The following LONRF1 variants were observed in gnomAD, a reference collection of about 807,000 sequenced individuals.
LONRF1 encodes LON peptidase N-terminal domain and RING finger protein 1.
LONRF1 carries 37 observed loss-of-function variants against 85.8 expected under a neutral mutation model. The observed-to-expected ratio is 0.43, with a 90% confidence interval of 0.33 to 0.57. The LOEUF is 0.57. Ranked by LOEUF, LONRF1 falls within the 20% of genes least tolerant of loss-of-function variation. The probability of loss-of-function intolerance (pLI) is 0.04; values close to 1 mark genes in which losing one functional copy is unlikely to be tolerated. For missense variants in LONRF1, 1,036 were observed against 978.0 expected (o/e 1.06, Z -0.79); for synonymous variants, 517 against 390.1 (o/e 1.33, Z -3.83).
At position 12,754,894 on chromosome 8, in the gene LONRF1, G is replaced by T. The variant is rs772107247; in HGVS notation, c.527C>A (p.Ala176Asp). 16 of 1,493,570 alleles carry T rather than the reference G, an allele frequency of 1.1e-5. 1 individual carries two copies. The South Asian group carries it at 2.0e-4, about 19-fold the overall frequency. 92.5% of individuals were successfully genotyped at this position (1,493,570 alleles called of 1,614,324 possible). A position where few individuals can be genotyped will look rare whatever the true frequency, so the allele number is the denominator to read the frequency against. ...GGCGGCCAGAGGCGGCGGCCGCGGG[G>T]CGGTCCCTTCAGCATCAGTGGCACT... is the stretch of plus-strand genomic sequence containing the variant. Reference protein sequence around the residue: ...TASATDAEGTAPRPPPLAAAI... With the variant: ...TASATDAEGTDPRPPPLAAAI... Residue 176 changes from alanine (A) to aspartate (D), a missense_variant, in exon 1 of 12, where the codon GCC becomes GAC. Ala to Asp is a moderately radical substitution (Grantham distance 126). Coordinates refer to ENST00000398246, the MANE Select transcript of LONRF1 (RefSeq NM_152271.5).
chr8:12,731,697 G>C, intron 8 of LONRF1, 39 bp downstream of exon 8: 1 of 1,572,376 alleles, frequency 6.4e-7, no homozygotes, highest in African/African-American at 1.4e-5. Flanking sequence ...ACTATTAAAG[G>C]GTAGTAGTTC....
intron 2 of LONRF1, among the ~76,000 whole-genome samples, chr8:12,741,677 T>C (rs1022311200): frequency 6.6e-6 from 1 of 152,216 alleles, no homozygotes; most frequent in African/African-American, 2.4e-5. Flanking sequence ...TAAAGAAATA[T>C]TAAAATGTGA....
rs143590610 is a variant in LONRF1, at chr8:12,749,242, C to T, written c.721+5458G>A. On this transcript the variant is annotated intron_variant, in intron 1 of 11. Transcript: ENST00000398246. ...TATTTTCTACCTTGTCTTTTACCCA[C>T]ATAAATGGTAGCCTAGATAAGAAAC... 2.7e-3 allele frequency among the ~76,000 whole-genome samples: 409 copies of T among 152,222 alleles called. 1 individual carries two copies. Among genetic ancestry groups the T allele is most frequent in the African/African-American group, 9.5e-3 (396 of 41,538 alleles).
intron 7 of LONRF1, among the ~76,000 whole-genome samples, chr8:12,734,468 C>T (rs748716720): frequency 6.6e-5 from 10 of 152,152 alleles, no homozygotes; most frequent in South Asian, 2.1e-4. Context: ...CCCCAATCAA[C>T]GCTACAAACT....
intron 1 of LONRF1, among the ~76,000 whole-genome samples, chr8:12,750,359 C>T (rs908017594): frequency 7.2e-5 from 11 of 152,192 alleles, no homozygotes; most frequent in African/African-American, 2.4e-4. Flanking sequence ...AAGACTCCCA[C>T]GGATGCCTGC....
chr8:12,727,150 C>T (rs10095845), intron 10 of LONRF1: 117,966 of 143,558 alleles, frequency 0.82, 48,942 homozygotes, highest in East Asian at 0.99. Flanking sequence ...AGCATCTGCT[C>T]TGCACCCTCA....
At chr8:12,735,473 C>T (rs889342104) in intron 6 of LONRF1, 73 bp from the exon 7 acceptor site, 30 of 920,992 alleles carry the variant, frequency 3.3e-5, no homozygotes, top group Non-Finnish European at 3.8e-5. Flanking sequence ...ACTTTAGAAC[C>T]ATAACACTAA....
intron 11 of LONRF1, among the ~76,000 whole-genome samples, chr8:12,724,342 G>C (rs1361262323): frequency 6.6e-6 from 1 of 152,186 alleles, no homozygotes; most frequent in Non-Finnish European, 1.5e-5. Context: ...GCTGTAGACT[G>C]AGACAGTGGT....
intron 4 of LONRF1, 27 bp from the exon 5 acceptor site, chr8:12,737,167 A>C (rs1460717584): frequency 6.2e-7 from 1 of 1,604,650 alleles, no homozygotes; most frequent in Admixed American, 1.7e-5. Context: ...AACAAAGGTA[A>C]CTGTATTTCT....
chr8:12,728,750 C>G lies in LONRF1; in HGVS notation c.2010+151G>C, dbSNP rs1029871588. On this transcript the variant is annotated intron_variant, in intron 10 of 11. Coordinates refer to ENST00000398246, the MANE Select transcript of LONRF1 (RefSeq NM_152271.5). ...TGTGCAACAGTTTCAGAGCAAGATA[C>G]GAAAAAGGTAACTTGGAGCACATTC... 9 of 777,028 alleles carry G rather than the reference C, an allele frequency of 1.2e-5. No individual in the cohort carries two copies. In the East Asian group the frequency reaches 2.4e-4, roughly 20 times the overall value. The allele number at this position is 777,028 out of a possible 1,614,324, so 48.1% of individuals were successfully genotyped here.
chr8:12,737,887 T>C (rs903565230), intron 4 of LONRF1, 108 bp downstream of exon 4: 21 of 1,156,368 alleles, frequency 1.8e-5, no homozygotes, highest in Middle Eastern at 4.0e-4. Flanking sequence ...ACTAACCAGG[T>C]TAAAAGTACT....
intron 10 of LONRF1, among the ~76,000 whole-genome samples, chr8:12,726,890 ATC>A (rs1798328033): frequency 6.6e-6 from 1 of 152,328 alleles, no homozygotes; most frequent in African/African-American, 2.4e-5. Flanking sequence ...TTTAAAGAGC[ATC>A]TGTTTTTTGC....
intron 3 of LONRF1, 52 bp downstream of exon 3, chr8:12,740,822 C>G (rs1798903915): frequency 1.6e-5 from 25 of 1,544,948 alleles, no homozygotes; most frequent in Non-Finnish European, 2.0e-5. Flanking sequence ...TTTTTTAAAC[C>G]TGTCTGCCTC....
In LONRF1 at chr8:12,725,740, T is replaced by C; in HGVS notation, c.2150A>G (p.Glu717Gly). The C allele has an allele frequency of 2.5e-6, 4 of 1,611,884 alleles. No homozygotes were observed. The highest frequency in any genetic ancestry group is 3.4e-6 in the Non-Finnish European group (4 of 1,178,248). The change falls in exon 11 of 12, where the codon GAG becomes GGG. Residue 717 changes from glutamate to glycine, a missense_variant. Glu to Gly is a moderately conservative substitution (Grantham distance 98). This residue lies in a region of LONRF1 where 265 missense variants were observed against 301.5 expected (regional missense o/e 0.88). Coordinates refer to ENST00000398246, the MANE Select transcript of LONRF1 (RefSeq NM_152271.5). ...LQHFGSMPER[E>G]ENLQAAPNGP... ...AAGCCACCATACCTGAAGGTTTTCC[T>C]CCCTCTCGGGCATTGATCCGAAATG...
intron 1 of LONRF1, among the ~76,000 whole-genome samples, chr8:12,752,180 CAAT>C (rs1037471021): frequency 3.7e-4 from 56 of 152,096 alleles, no homozygotes; most frequent in African/African-American, 1.2e-3. Context: ...TCATTATCAA[CAAT>C]AATGACAAGA....
At chr8:12,737,753 T>C (rs180847342) in intron 4 of LONRF1, among the ~76,000 whole-genome samples, 20 of 152,272 alleles carry the variant, frequency 1.3e-4, no homozygotes, top group Admixed American at 1.2e-3. Context: ...CAATGTTCTA[T>C]ACATATTTTT....
At chr8:12,752,679 C>A (rs1173907587) in intron 1 of LONRF1, among the ~76,000 whole-genome samples, 2 of 152,148 alleles carry the variant, frequency 1.3e-5, no homozygotes, top group Non-Finnish European at 2.9e-5. Context: ...GATCCAAGAA[C>A]CAGAATCTCT....
In LONRF1 at chr8:12,745,898, T is replaced by C. The variant is rs532187242; in HGVS notation, c.722-2616A>G. 2.5e-3 allele frequency among the ~76,000 whole-genome samples: 384 copies of C among 152,312 alleles called. 1 individual carries two copies. Among genetic ancestry groups the C allele is most frequent in the African/African-American group, 8.9e-3 (371 of 41,570 alleles). ...CCAGAAGCAGGGACAGATGTGCTAG[T>C]TGTCATGATTTAACTCCCTGATCTT... is the stretch of plus-strand genomic sequence containing the variant. On this transcript the variant is annotated intron_variant, in intron 1 of 11. Coordinates refer to ENST00000398246, the MANE Select transcript of LONRF1 (RefSeq NM_152271.5).
At chr8:12,746,972 T>C (rs1057257215) in intron 1 of LONRF1, among the ~76,000 whole-genome samples, 1 of 152,222 alleles carries the variant, frequency 6.6e-6, no homozygotes, top group South Asian at 2.1e-4. Context: ...TTCTGTGCCT[T>C]CATCGTATAT....
Sources: allele counts gnomAD v4.1 joint callset (sites outside exome capture counted in the v4.1 genomes callset), GRCh38; gene constraint gnomAD v4.1.1; regional missense constraint gnomAD v4.1.1; transcripts MANE v1.5; gene names NCBI Gene and HGNC (gene_info 2026-07-23, HGNC 2026-07-21).